The following APBB2 variants were observed in gnomAD, a reference collection of about 807,000 sequenced individuals.
APBB2 encodes the protein Fe65-like 1.
In APBB2, 38 loss-of-function variants were observed where a neutral mutation model predicts 82.5. The observed-to-expected ratio is 0.46, with a 90% confidence interval of 0.36 to 0.60. The LOEUF is 0.60. APBB2 is among the 20% of genes least tolerant of loss of function. The pLI is 0.00. For synonymous variants in APBB2, 341 were observed against 368.2 expected (o/e 0.93, Z 0.85); for missense variants, 772 against 972.3 (o/e 0.79, Z 2.74).
chr4:41,049,574 C>A lies in APBB2; in HGVS notation c.-51+16002G>T, dbSNP rs540894678. On this transcript the variant is annotated intron_variant, in intron 4 of 17. Coordinates refer to ENST00000508593, the MANE Select transcript of APBB2 (RefSeq NM_004307.2). ...GGAGGTGGGGGGCGCCTCTGCCCAA[C>A]CGCCCCTTCTGGTAAGTGAGGAGCC... 6.2e-3 allele frequency among the ~76,000 whole-genome samples: 935 copies of A among 151,818 alleles called. 16 individuals carry two copies. Among genetic ancestry groups the A allele is most frequent in the African/African-American group, 0.02 (838 of 41,338 alleles).
intron 10 of APBB2, among the ~76,000 whole-genome samples, chr4:40,913,755 C>A (rs56343294): frequency 9.3e-4 from 142 of 152,196 alleles, no homozygotes; most frequent in African/African-American, 3.2e-3. Flanking sequence ...ACTTTTTTCA[C>A]ATTTTCGTGC....
intron 12 of APBB2, among the ~76,000 whole-genome samples, chr4:40,839,407 G>A (rs186207001): frequency 6.6e-6 from 1 of 152,040 alleles, no homozygotes; most frequent in Non-Finnish European, 1.5e-5. Flanking sequence ...TCTGTTAAGA[G>A]TCACATTACA....
intron 1 of APBB2, among the ~76,000 whole-genome samples, chr4:41,160,509 C>A (rs1764887994): frequency 6.6e-6 from 1 of 152,118 alleles, no homozygotes. Context: ...AGTTAGGAGA[C>A]CCAGGTTCAA....
intron 5 of APBB2, among the ~76,000 whole-genome samples, chr4:41,016,003 T>A (rs918101708): frequency 2.8e-4 from 43 of 152,360 alleles, no homozygotes; most frequent in Non-Finnish European, 5.9e-4. Flanking sequence ...CAATTTATAA[T>A]TTAATTTCAC....
chr4:41,181,252 G>T (rs1279165414), intron 1 of APBB2, among the ~76,000 whole-genome samples: 6 of 152,112 alleles, frequency 3.9e-5, no homozygotes, highest in African/African-American at 1.4e-4. Context: ...GTTGCCAGGG[G>T]CAAGGCTACA....
At chr4:40,993,004 A>G (rs1193550033) in intron 6 of APBB2, among the ~76,000 whole-genome samples, 1 of 152,180 alleles carries the variant, frequency 6.6e-6, no homozygotes, top group East Asian at 1.9e-4. Context: ...CTTTTCCTTC[A>G]GTGGGAGAAT....
At position 40,831,860 on chromosome 4, in the gene APBB2, T is replaced by C. The variant is rs557456229; in HGVS notation, c.1530-1283A>G. 2.2e-4 allele frequency among the ~76,000 whole-genome samples: 33 copies of C among 152,268 alleles called. 1 individual carries two copies. Among genetic ancestry groups the C allele is most frequent in the African/African-American group, 7.5e-4 (31 of 41,534 alleles). ...GCAGCCGATGTTGGGTGTTCGCATT[T>C]TTTCTACTGATAAAAAGGATACTGA... On this transcript the variant is annotated intron_variant, in intron 12 of 17. Transcript: ENST00000508593.
intron 12 of APBB2, among the ~76,000 whole-genome samples, chr4:40,854,766 G>A (rs1275982115): frequency 7.0e-6 from 1 of 143,360 alleles, no homozygotes; most frequent in East Asian, 2.0e-4. Flanking sequence ...TCCAGCCTGG[G>A]CGATAAGAGC....
intron 10 of APBB2, among the ~76,000 whole-genome samples, chr4:40,923,602 A>C (rs917706764): frequency 2.0e-4 from 30 of 152,322 alleles, no homozygotes; most frequent in African/African-American, 7.2e-4. Flanking sequence ...CTCTGGTGCC[A>C]TCAGGATGGC....
intron 6 of APBB2, among the ~76,000 whole-genome samples, chr4:40,973,719 C>G (rs1185041191): frequency 6.6e-6 from 1 of 152,196 alleles, no homozygotes; most frequent in Non-Finnish European, 1.5e-5. Flanking sequence ...CTGCTTTGAG[C>G]TTCTGGTAGT....
chr4:41,161,170 CAAA>C (rs33917178), intron 1 of APBB2, among the ~76,000 whole-genome samples: 1,504 of 86,250 alleles, frequency 0.017, 31 homozygotes, highest in African/African-American at 0.058. Flanking sequence ...TCTTCCCTGG[CAAA>C]AAAAAAAAAA....
At chr4:41,162,005 C>A (rs1765289305) in intron 1 of APBB2, among the ~76,000 whole-genome samples, 1 of 152,106 alleles carries the variant, frequency 6.6e-6, no homozygotes, top group African/African-American at 2.4e-5. Context: ...ACCTCATCAC[C>A]ACCAGTTGCT....
At chr4:41,069,980 C>T (rs1733245295) in intron 3 of APBB2, among the ~76,000 whole-genome samples, 1 of 152,146 alleles carries the variant, frequency 6.6e-6, no homozygotes, top group Admixed American at 6.5e-5. Flanking sequence ...ATTTTGAGGA[C>T]ACAAAGCAAC....
rs562592030 is a variant in APBB2, at chr4:40,939,079, G to C, written c.1045-3940C>G. On this transcript the variant is annotated intron_variant, in intron 7 of 17. Transcript: ENST00000508593. ...AGGGCTCTGCAGAGAGTCCCCACCA[G>C]GAAGAAGGCCCTCATCAGATGCAGT... Among the ~76,000 whole-genome samples, 13 of 152,320 alleles carry C rather than the reference G, an allele frequency of 8.5e-5. No individual in the cohort carries two copies. The South Asian group carries it at 2.7e-3, about 32-fold the overall frequency.
intron 15 of APBB2, among the ~76,000 whole-genome samples, chr4:40,824,676 A>C (rs1310768477): frequency 2.6e-5 from 4 of 152,042 alleles, no homozygotes; most frequent in Non-Finnish European, 5.9e-5. Flanking sequence ...TTTTTTGTAG[A>C]GATGAGGTTT....
intron 3 of APBB2, among the ~76,000 whole-genome samples, chr4:41,080,926 T>C (rs756114553): frequency 1.1e-4 from 16 of 152,086 alleles, no homozygotes; most frequent in Non-Finnish European, 1.6e-4. Flanking sequence ...ATTTAGGAGA[T>C]ATTTTTGTAT....
At chr4:41,072,661 A>AT (rs1734283509) in intron 3 of APBB2, among the ~76,000 whole-genome samples, 1 of 152,186 alleles carries the variant, frequency 6.6e-6, no homozygotes, top group African/African-American at 2.4e-5. Context: ...AGCAGAACTC[A>AT]TTTGAAGTCA....
At chr4:40,934,034 G>A (rs1784830661) in intron 10 of APBB2, among the ~76,000 whole-genome samples, 2 of 152,148 alleles carry the variant, frequency 1.3e-5, no homozygotes, top group Admixed American at 1.3e-4. Context: ...TTTATGACAG[G>A]AATGGCAAAG....
chr4:41,213,603 TC>T (rs940978717), intron 1 of APBB2, among the ~76,000 whole-genome samples: 3 of 152,200 alleles, frequency 2.0e-5, no homozygotes, highest in African/African-American at 7.2e-5. Context: ...AGACCACCTT[TC>T]ATTGTTTCTA....
Sources: gnomAD v4.1 joint callset for allele counts (sites outside exome capture counted in the v4.1 genomes callset) on GRCh38, gnomAD v4.1.1 for gene constraint, MANE v1.5 for transcripts, NCBI Gene and HGNC (gene_info 2026-07-23, HGNC 2026-07-21) for gene names.